The following TBC1D2 variants were observed in gnomAD, a reference collection of about 807,000 sequenced individuals.
TBC1D2 encodes TBC1 domain family member 2A.
A neutral mutation model predicts 91.1 loss-of-function variants in TBC1D2; 58 were observed. The ratio of observed to expected loss-of-function variants is 0.64; its 90% CI spans 0.52 to 0.79. The LOEUF (loss-of-function observed/expected upper bound fraction) is 0.79, where lower values mean the gene tolerates loss of function less well. Ranked by LOEUF, TBC1D2 falls within the 30% of genes least tolerant of loss-of-function variation. The pLI is 0.00. For synonymous variants in TBC1D2, 482 were observed against 511.5 expected, an observed-to-expected ratio of 0.94 and a Z score of 0.78; for missense variants, 1,080 against 1,208.3, an observed-to-expected ratio of 0.89 and a Z score of 1.57.
chr9:98,200,141 G>C, intron 12 of TBC1D2, 112 bp downstream of exon 12: 1 of 1,434,104 alleles, frequency 7.0e-7, no homozygotes, highest in African/African-American at 1.4e-5. Context: ...GCTATAATAC[G>C]AGCATCAGCG....
intron 6 of TBC1D2, among the ~76,000 whole-genome samples, chr9:98,215,037 T>C (rs1259730126): frequency 6.6e-6 from 1 of 151,826 alleles, no homozygotes; most frequent in African/African-American, 2.4e-5. Flanking sequence ...GCCACCCTCC[T>C]CCCCCTATCC....
Position 98,210,904 on chromosome 9 carries a change from G to GAGGCCTA in TBC1D2, c.1486-62_1486-61insTAGGCCT, listed in dbSNP as rs1828821194. Reference sequence around the variant, plus strand: ...GGGAGCTGGGCCGCCCCAGAGGCCTGAGGCCTGAACAGCTTTAGGCAGCAC... The same window carrying GAGGCCTA: ...GGGAGCTGGGCCGCCCCAGAGGCCTGAGGCCTAAGGCCTGAACAGCTTTAGGCAGCAC... On this transcript the variant is annotated intron_variant, in intron 7 of 12. Coordinates refer to ENST00000465784, the MANE Select transcript of TBC1D2 (RefSeq NM_001267571.2). The GAGGCCTA allele has an allele frequency of 2.1e-6, 3 of 1,461,908 alleles. 1 individual carries two copies. Among genetic ancestry groups the GAGGCCTA allele is most frequent in the Non-Finnish European group, 2.8e-6 (3 of 1,082,964 alleles). The allele number at this position is 1,461,908 out of a possible 1,614,324, so 90.6% of individuals were successfully genotyped here.
intron 5 of TBC1D2, among the ~76,000 whole-genome samples, chr9:98,223,161 A>G (rs1034915417): frequency 4.6e-5 from 7 of 152,208 alleles, no homozygotes; most frequent in Non-Finnish European, 1.5e-5. Context: ...GGGAAAGGCA[A>G]TGACTTCTGT....
chr9:98,220,759 T>C lies in TBC1D2; in HGVS notation c.1374+74A>G, dbSNP rs1829074929. 1.9e-6 allele frequency: 3 copies of C among 1,564,624 alleles called. No homozygotes were observed. In the African/African-American group the frequency reaches 4.1e-5, roughly 21 times the overall value. The stretch of plus-strand genomic sequence containing the variant: ...ACTCCACCTAGCAAACCCTTAGGGG[T>C]GGAGAGCGCACCTTCCCTGAGGGCT... On this transcript the variant is annotated intron_variant, in intron 6 of 12. Transcript: ENST00000465784.
At chr9:98,224,565 G>A (rs2119102011) in intron 5 of TBC1D2, among the ~76,000 whole-genome samples, 1 of 152,254 alleles carries the variant, frequency 6.6e-6, no homozygotes, top group South Asian at 2.1e-4. Flanking sequence ...TTATAGGTGT[G>A]AGCCACCATG....
intron 2 of TBC1D2, among the ~76,000 whole-genome samples, chr9:98,246,319 A>C (rs1829763223): frequency 6.6e-6 from 1 of 152,170 alleles, no homozygotes; most frequent in Admixed American, 6.5e-5. Context: ...TATTAAATAT[A>C]ATGATGGGGG....
intron 4 of TBC1D2, among the ~76,000 whole-genome samples, chr9:98,232,675 T>G (rs1180066042): frequency 6.6e-6 from 1 of 152,094 alleles, no homozygotes; most frequent in Admixed American, 6.6e-5. Context: ...GCAAAGATAG[T>G]GCAGACATGT....
intron 4 of TBC1D2, among the ~76,000 whole-genome samples, chr9:98,230,514 C>T (rs569147721): frequency 1.1e-4 from 16 of 152,176 alleles, no homozygotes; most frequent in Middle Eastern, 6.3e-3. Flanking sequence ...ATAGGGGACA[C>T]GCAGGGCTTT....
rs1227672721 is a variant in TBC1D2 at position 98,201,571 on chromosome 9, T to C, written c.2365A>G (p.Thr789Ala). 1.9e-6 allele frequency: 3 copies of C among 1,614,076 alleles called. No homozygotes were observed. The East Asian group carries it at 6.7e-5, about 36-fold the overall frequency. ...GQHHVDLSLV[T>A]FNWFLVVFAD... ...AAGACCACGAGGAACCAGTTGAAGG[T>C]GACGAGGGAGAGATCCACGTGGTGC... The change falls in exon 11 of 13, where the codon ACC becomes GCC. Residue 789 changes from threonine (T) to alanine (A), a missense_variant. Thr to Ala is a moderately conservative substitution (Grantham distance 58). Transcript: ENST00000465784.
intron 4 of TBC1D2, among the ~76,000 whole-genome samples, chr9:98,229,494 G>A (rs1829317148): frequency 6.6e-6 from 1 of 152,190 alleles, no homozygotes; most frequent in African/African-American, 2.4e-5. Flanking sequence ...GCTGGTGTTT[G>A]CCAAGTGGCT....
intron 3 of TBC1D2, 68 bp from the exon 4 acceptor site, chr9:98,233,617 C>T (rs1220349978): frequency 1.3e-6 from 2 of 1,579,098 alleles, no homozygotes; most frequent in African/African-American, 2.7e-5. Flanking sequence ...GTCCTTCCCG[C>T]CACCACTGCT....
rs1204364680 is a variant in TBC1D2 at position 98,223,938 on chromosome 9, G to A, written c.979-2710C>T. On this transcript the variant is annotated intron_variant, in intron 5 of 12. Transcript: ENST00000465784. ...GGTTGGGCCGGGCGTGGTGGCTCACGCCTGTAATCCCAGCACTTTGGGAGG... is the reference window on the plus strand; with the variant it reads ...GGTTGGGCCGGGCGTGGTGGCTCACACCTGTAATCCCAGCACTTTGGGAGG... Among the ~76,000 whole-genome samples the A allele has an allele frequency of 5.3e-5, 8 of 152,298 alleles. No homozygotes were observed. In the East Asian group the frequency reaches 5.8e-4, roughly 11 times the overall value.
chr9:98,220,145 A>G (rs1245799562), intron 6 of TBC1D2, among the ~76,000 whole-genome samples: 1 of 152,202 alleles, frequency 6.6e-6, no homozygotes, highest in Admixed American at 6.5e-5. Flanking sequence ...AGCTGAGCAG[A>G]CAGACCAGAC....
rs202107544 is a variant in TBC1D2 at position 98,200,380 on chromosome 9, G to A, written c.2458-6C>T. 12 of 1,596,232 alleles carry A rather than the reference G, an allele frequency of 7.5e-6. No homozygotes were observed. The East Asian group carries it at 2.5e-4, about 33-fold the overall frequency. ...AAGGCATAGCGAAACACCACCTGGG[G>A]GTAGAGTGGGGGCTCAGGTAGGGCA... On this transcript the variant is annotated splice_region_variant and splice_polypyrimidine_tract_variant and intron_variant, in intron 11 of 12. Transcript: ENST00000465784.
In TBC1D2 at chr9:98,210,754, G is replaced by C. The variant is rs61756693; in HGVS notation, c.1575C>G (p.Ala525=). 4,313 of 1,572,066 alleles carry C rather than the reference G, an allele frequency of 2.7e-3. 99 individuals carry two copies. In the African/African-American group the frequency reaches 0.045, roughly 16 times the overall value. Residue 525 remains alanine (A), a synonymous_variant, in exon 8 of 13, where the codon GCC becomes GCG. Coordinates refer to ENST00000465784, the MANE Select transcript of TBC1D2 (RefSeq NM_001267571.2). ...RRLQEALGDE[A]SECSELLRQL... is the part of the protein sequence containing the mutation. ...GCCTCAGCAGCTCTGAGCACTCGCTGGCTTCGTCCCCCAGGGCCTCCTGCA... is the reference window on the plus strand; with the variant it reads ...GCCTCAGCAGCTCTGAGCACTCGCTCGCTTCGTCCCCCAGGGCCTCCTGCA...
chr9:98,246,660 G>T (rs1189644945), intron 2 of TBC1D2, among the ~76,000 whole-genome samples: 1 of 152,156 alleles, frequency 6.6e-6, no homozygotes, highest in Non-Finnish European at 1.5e-5. Flanking sequence ...GGTGGAGACA[G>T]AGTCTTTCCA....
rs771183507 is a variant in TBC1D2, at chr9:98,199,381, T to A, written c.2787A>T (p.Ter929CysextTer96). Residue 929 changes from the stop codon to cysteine, a stop_lost, in exon 13 of 13, where the codon TGA becomes TGT. Transcript: ENST00000465784. ...ASEDEVEGEA[*>C] ...GCTGTGGGGAGGGGAGGTGGCCAAG[T>A]CAGGCTTCCCCCTCCACCTCGTCCT... The A allele has an allele frequency of 4.3e-6, 7 of 1,612,432 alleles. No individual in the cohort carries two copies. Among genetic ancestry groups the A allele is most frequent in the Non-Finnish European group, 5.1e-6 (6 of 1,179,908 alleles).
chr9:98,215,016 C>T (rs1424674756), intron 6 of TBC1D2, among the ~76,000 whole-genome samples: 1 of 152,136 alleles, frequency 6.6e-6, no homozygotes, highest in African/African-American at 2.4e-5. Flanking sequence ...CAGGCAGTTC[C>T]AACCCCTGGC....
intron 7 of TBC1D2, among the ~76,000 whole-genome samples, chr9:98,211,696 A>G (rs1828844941): frequency 6.6e-6 from 1 of 152,028 alleles, no homozygotes; most frequent in Non-Finnish European, 1.5e-5. Flanking sequence ...CACCAGCTCC[A>G]AGCCATCCTC....
Sources: allele counts gnomAD v4.1 joint callset (sites outside exome capture counted in the v4.1 genomes callset), GRCh38; gene constraint gnomAD v4.1.1; transcripts MANE v1.5; gene names NCBI Gene and HGNC (gene_info 2026-07-23, HGNC 2026-07-21).